ADGRE2: variants seen among roughly 807,000 people sequenced by gnomAD.
ADGRE2 encodes the protein CD97 antigen.
In ADGRE2, 83 loss-of-function variants were observed where a neutral mutation model predicts 100.8. The observed-to-expected ratio is 0.82, with a 90% confidence interval of 0.69 to 0.99. The LOEUF (loss-of-function observed/expected upper bound fraction) is 0.99, where lower values mean the gene tolerates loss of function less well. Ranked by LOEUF, ADGRE2 falls within the 50% of genes least tolerant of loss-of-function variation. The pLI is 0.00. For missense variants in ADGRE2, 814 were observed against 1,035.7 expected (o/e 0.79, Z 2.94); for synonymous variants, 355 against 413.0 (o/e 0.86, Z 1.70).
rs557955596 is a variant in ADGRE2 at position 14,755,602 on chromosome 19, C to G, written c.1416+52G>C. 104 of 1,511,918 alleles carry G rather than the reference C, an allele frequency of 6.9e-5. No homozygotes were observed. In the African/African-American group the frequency reaches 1.3e-3, roughly 19 times the overall value. 93.7% of individuals were successfully genotyped at this position (1,511,918 alleles called of 1,614,324 possible). Reference sequence around the variant, plus strand: ...CCCAGGGCTGAGCTGAGCAGCAAGGCTATGCCCGGACTCAGACTATTCACC... The same window carrying G: ...CCCAGGGCTGAGCTGAGCAGCAAGGGTATGCCCGGACTCAGACTATTCACC... On this transcript the variant is annotated intron_variant, in intron 13 of 20. Transcript: ENST00000315576.
At position 14,756,315 on chromosome 19, in the gene ADGRE2, T is replaced by A. The variant is rs777195531; in HGVS notation, c.1115A>T (p.Asp372Val). ...ATTCTGTCTCAAGGTGACACTCCTG[T>A]CTACTTGCTTCTGCACCTCCAGGGA... ...ELSLEVQKQV[D>V]RSVTLRQNQA... is the part of the protein sequence containing the mutation. Residue 372 changes from aspartate (D) to valine (V), a missense_variant, in exon 12 of 21, where the codon GAC (aspartate) becomes GTC (valine). By Grantham distance (152) the Asp-to-Val change is radical (BLOSUM62 -3). This residue lies in a region of ADGRE2 where 569 missense variants were observed against 692.7 expected (regional missense o/e 0.82). Coordinates refer to ENST00000315576, the MANE Select transcript of ADGRE2 (RefSeq NM_013447.4). 6.2e-7 allele frequency: 1 copy of A among 1,614,096 alleles called. No individual in the cohort carries two copies.
intron 6 of ADGRE2, among the ~76,000 whole-genome samples, 170 bp from the exon 7 acceptor site, chr19:14,766,551 T>G (rs1401125406): frequency 1.3e-5 from 2 of 152,178 alleles, no homozygotes; most frequent in African/African-American, 4.8e-5. Flanking sequence ...TATGATGGTC[T>G]TCCTACCAGA....
At chr19:14,768,741 C>A (rs1229413655) in intron 5 of ADGRE2, 1 of 152,296 alleles carries the variant, frequency 6.6e-6, no homozygotes, top group Non-Finnish European at 1.5e-5. Context: ...CCAAAACTAT[C>A]AGGAAGGGTC....
intron 5 of ADGRE2, chr19:14,768,665 A>G (rs1044633586): frequency 1.3e-5 from 2 of 152,280 alleles, no homozygotes; most frequent in Admixed American, 6.6e-5. Context: ...CAACTCTCCA[A>G]GTATGGGGAG....
rs118072670 is a variant in ADGRE2, at chr19:14,772,558, C to A, written c.200-61G>T. The A allele has an allele frequency of 2.7e-4, 423 of 1,583,936 alleles. 1 individual carries two copies. In the East Asian group the frequency reaches 9.3e-3, roughly 35 times the overall value. ...GATGTGAGTTCCGTCAGGGCAGAGACCCCCGTCCTGACTCCCCAACATGGG... is the reference window on the plus strand; with the variant it reads ...GATGTGAGTTCCGTCAGGGCAGAGAACCCCGTCCTGACTCCCCAACATGGG... On this transcript the variant is annotated intron_variant, in intron 4 of 20. Coordinates refer to ENST00000315576, the MANE Select transcript of ADGRE2 (RefSeq NM_013447.4).
chr19:14,736,014 C>T lies in ADGRE2; in HGVS notation c.*222G>A. On this transcript the variant is annotated 3_prime_UTR_variant, in exon 21 of 21. Transcript: ENST00000315576. ...AAGATATGGGCCACAGCTGGCCGTC[C>T]ATATGCTGAGAGTTTGATGAGCACA... The T allele has an allele frequency of 4.0e-6, 2 of 494,948 alleles. No homozygotes were observed. The highest frequency in any genetic ancestry group is 7.5e-6 in the Non-Finnish European group (2 of 265,752). The allele number at this position is 494,948 out of a possible 1,614,324, so 30.7% of individuals were successfully genotyped here.
intron 17 of ADGRE2, 148 bp downstream of exon 17, chr19:14,746,748 A>G (rs2147172288): frequency 1.5e-6 from 1 of 657,430 alleles, no homozygotes; most frequent in Admixed American, 2.7e-5. Flanking sequence ...AACAGTGTTG[A>G]GTTTGAAGAT....
chr19:14,758,203 A>C (rs1395796339), intron 11 of ADGRE2, among the ~76,000 whole-genome samples: 2 of 152,272 alleles, frequency 1.3e-5, no homozygotes, highest in East Asian at 3.8e-4. Context: ...TCTATTCATT[A>C]AAGTGAAAAG....
chr19:14,736,935 A>ATC (rs1599774949), intron 20 of ADGRE2, among the ~76,000 whole-genome samples: 1 of 101,152 alleles, frequency 9.9e-6, no homozygotes, highest in African/African-American at 4.0e-5. Context: ...ATATTTAGAA[A>ATC]TATATATGAC....
Position 14,752,469 on chromosome 19 carries a change from A to G in ADGRE2, c.1648T>C (p.Cys550Arg). The G allele has an allele frequency of 6.2e-7, 1 of 1,614,166 alleles. No individual in the cohort carries two copies. Among genetic ancestry groups the G allele is most frequent in the Non-Finnish European group, 8.5e-7 (1 of 1,180,020 alleles). Residue 550 changes from cysteine (C) to arginine (R), a missense_variant, in exon 15 of 21, where the codon TGC (cysteine) becomes CGC (arginine). By Grantham distance (180) the Cys-to-Arg change is radical. This residue lies in a region of ADGRE2 where 569 missense variants were observed against 692.7 expected (regional missense o/e 0.82). Coordinates refer to ENST00000315576, the MANE Select transcript of ADGRE2 (RefSeq NM_013447.4). ...TYMGLSVSLL[C>R]LLLAALTFLL... Reference sequence around the variant, plus strand: ...AAAGTGAGGGCCGCCAGGAGGAGGCACAGCAGAGAGACGCTCAGCCCCATG... The same window carrying G: ...AAAGTGAGGGCCGCCAGGAGGAGGCGCAGCAGAGAGACGCTCAGCCCCATG...
intron 11 of ADGRE2, among the ~76,000 whole-genome samples, chr19:14,760,238 T>C (rs764568593): frequency 1.3e-5 from 2 of 152,174 alleles, no homozygotes; most frequent in Non-Finnish European, 2.9e-5. Flanking sequence ...TGATAAGTAC[T>C]CAAAGTGGTG....
chr19:14,744,545 TC>T (rs2043029201), intron 18 of ADGRE2, among the ~76,000 whole-genome samples: 1 of 152,018 alleles, frequency 6.6e-6, no homozygotes, highest in Non-Finnish European at 1.5e-5. Flanking sequence ...AACCTCTGCC[TC>T]CCAGGTGAAG....
chr19:14,732,316 T>TAA (rs914831144), downstream of ADGRE2: 1 of 151,838 alleles, frequency 6.6e-6, no homozygotes, highest in Non-Finnish European at 1.5e-5. Flanking sequence ...GTATGTACAT[T>TAA]AAAAAAAAGA....
chr19:14,766,685 G>A (rs957820252), intron 6 of ADGRE2, among the ~76,000 whole-genome samples: 5 of 152,188 alleles, frequency 3.3e-5, no homozygotes, highest in Non-Finnish European at 4.4e-5. Context: ...TATGGTGGAG[G>A]TTCCCCTTCT....
At chr19:14,770,160 G>C (rs1176242080) in intron 5 of ADGRE2, among the ~76,000 whole-genome samples, 1 of 152,238 alleles carries the variant, frequency 6.6e-6, no homozygotes, top group East Asian at 1.9e-4. Context: ...TTTGGGTCCT[G>C]AGTGCAGATC....
intron 11 of ADGRE2, among the ~76,000 whole-genome samples, chr19:14,762,955 G>A (rs573951928): frequency 3.3e-5 from 5 of 152,102 alleles, no homozygotes; most frequent in Non-Finnish European, 5.9e-5. Context: ...CACGCCCCAC[G>A]TGAAACAGAC....
At chr19:14,768,347 C>A (rs185442044) in intron 5 of ADGRE2, among the ~76,000 whole-genome samples, 1 of 152,148 alleles carries the variant, frequency 6.6e-6, no homozygotes, top group Non-Finnish European at 1.5e-5. Context: ...TGTGAAGGTG[C>A]CTTTTTTTGA....
rs59231835 is a variant in ADGRE2 at position 14,746,390 on chromosome 19, T to TTTC, written c.2092-68_2092-67insGAA. 5.6e-4 allele frequency: 476 copies of TTTC among 845,876 alleles called. 5 individuals are homozygous for TTTC. Among genetic ancestry groups the TTTC allele is most frequent in the African/African-American group, 4.3e-3 (245 of 56,604 alleles). The allele number at this position is 845,876 out of a possible 1,614,324, so 52.4% of individuals were successfully genotyped here. The stretch of plus-strand genomic sequence containing the variant: ...CCTGTTATCTCTTTTTTTTTTTTTT[T>TTTC]CAGACAGGGTCTTGCTCTGTTGCCC... On this transcript the variant is annotated intron_variant, in intron 17 of 20. Coordinates refer to ENST00000315576, the MANE Select transcript of ADGRE2 (RefSeq NM_013447.4).
chr19:14,758,329 A>G (rs900360080), intron 11 of ADGRE2, among the ~76,000 whole-genome samples: 1 of 152,270 alleles, frequency 6.6e-6, no homozygotes, highest in Non-Finnish European at 1.5e-5. Flanking sequence ...CAACCAAAAG[A>G]CAAACAGCAC....
Sources: allele counts gnomAD v4.1 joint callset (sites outside exome capture counted in the v4.1 genomes callset), GRCh38; gene constraint gnomAD v4.1.1; regional missense constraint gnomAD v4.1.1; transcripts MANE v1.5; gene names NCBI Gene and HGNC (gene_info 2026-07-23, HGNC 2026-07-21).